The following CNST variants were observed in gnomAD, a reference collection of about 807,000 sequenced individuals.
CNST encodes consortin.
A neutral mutation model predicts 72.4 loss-of-function variants in CNST; 39 were observed. That is an observed-to-expected ratio of 0.54 (90% confidence interval 0.42 to 0.70). The LOEUF (loss-of-function observed/expected upper bound fraction) is 0.70, where lower values mean the gene tolerates loss of function less well. CNST is among the 30% of genes least tolerant of loss of function. CNST has a pLI of 0.00. For missense variants in CNST, 871 were observed against 868.5 expected, an observed-to-expected ratio of 1.00 and a Z score of -0.04; for synonymous variants, 332 against 320.1, an observed-to-expected ratio of 1.04 and a Z score of -0.40.
rs111259165 is a variant in CNST at position 246,652,732 on chromosome 1, C to T, written c.1836+4695C>T. Among the ~76,000 whole-genome samples, 294 of 151,356 alleles carry T rather than the reference C, an allele frequency of 1.9e-3. 1 individual carries two copies. The highest frequency in any genetic ancestry group is 6.8e-3 in the East Asian group (35 of 5,118). On this transcript the variant is annotated intron_variant, in intron 9 of 10. Transcript: ENST00000366513. Reference sequence around the variant, plus strand: ...AGAAAGCTTTTAATCTGGCCGGGCACAGTGGCTCACGCCTGTAATCCCAGC... The same window carrying T: ...AGAAAGCTTTTAATCTGGCCGGGCATAGTGGCTCACGCCTGTAATCCCAGC...
chr1:246,594,008 C>T (rs937232586), intron 2 of CNST, among the ~76,000 whole-genome samples: 2 of 151,986 alleles, frequency 1.3e-5, no homozygotes, highest in Non-Finnish European at 2.9e-5. Flanking sequence ...TGGCCTCAAG[C>T]GATCCTCCTG....
intron 2 of CNST, among the ~76,000 whole-genome samples, chr1:246,605,449 A>G (rs1364222236): frequency 6.6e-6 from 1 of 152,140 alleles, no homozygotes; most frequent in African/African-American, 2.4e-5. Flanking sequence ...GGAGCGCGCC[A>G]ACAGACAGCA....
At chr1:246,580,740 T>C (rs555061163) in intron 1 of CNST, among the ~76,000 whole-genome samples, 2 of 152,224 alleles carry the variant, frequency 1.3e-5, no homozygotes, top group East Asian at 3.9e-4. Context: ...TCTGAAGGTT[T>C]CTTTTTTTTT....
chr1:246,651,821 C>T (rs1223277003), intron 9 of CNST, among the ~76,000 whole-genome samples: 3 of 152,038 alleles, frequency 2.0e-5, no homozygotes, highest in African/African-American at 7.2e-5. Flanking sequence ...AAATTTTATC[C>T]TCCTTTCATA....
chr1:246,654,520 A>G (rs1350450384), intron 9 of CNST, among the ~76,000 whole-genome samples: 2 of 152,200 alleles, frequency 1.3e-5, no homozygotes, highest in African/African-American at 4.8e-5. Flanking sequence ...CTCTTCCCAA[A>G]GTCCTGTCTA....
chr1:246,586,864 T>A (rs750042604), intron 1 of CNST, among the ~76,000 whole-genome samples: 7 of 152,334 alleles, frequency 4.6e-5, no homozygotes, highest in Non-Finnish European at 7.4e-5. Flanking sequence ...ATTTGGTATT[T>A]ACAACATATA....
At chr1:246,618,702 C>T (rs573790435) in intron 2 of CNST, among the ~76,000 whole-genome samples, 3 of 152,252 alleles carry the variant, frequency 2.0e-5, no homozygotes, top group South Asian at 4.1e-4. Flanking sequence ...TTGAGTTTCT[C>T]TGGTTACATC....
At chr1:246,606,854 TA>T (rs1662877563) in intron 2 of CNST, 1 of 152,072 alleles carries the variant, frequency 6.6e-6, no homozygotes, top group African/African-American at 2.4e-5. Flanking sequence ...AGTGCTAAGG[TA>T]GCCGTGAGCA....
chr1:246,655,778 C>G (rs1008321699), intron 9 of CNST, among the ~76,000 whole-genome samples: 12 of 152,192 alleles, frequency 7.9e-5, no homozygotes. Flanking sequence ...GCACTGCAAG[C>G]TTAAGCAAGT....
chr1:246,652,788 A>G (rs1354556047), intron 9 of CNST, among the ~76,000 whole-genome samples: 3 of 151,240 alleles, frequency 2.0e-5, no homozygotes, highest in Non-Finnish European at 2.9e-5. Context: ...GCGGATCACG[A>G]GGTCAGGAGA....
chr1:246,662,023 C>T (rs1667127225), intron 10 of CNST, among the ~76,000 whole-genome samples: 2 of 152,304 alleles, frequency 1.3e-5, no homozygotes, highest in South Asian at 4.1e-4. Context: ...ACTTTGTAGC[C>T]ACCTCATCTT....
At chr1:246,617,193 G>C (rs771905415) in intron 2 of CNST, among the ~76,000 whole-genome samples, 11 of 152,138 alleles carry the variant, frequency 7.2e-5, no homozygotes, top group Non-Finnish European at 1.0e-4. Context: ...GTTACTAAGT[G>C]AAAGAAGGCA....
chr1:246,625,414 C>CTTTTTTTTTTTTT (rs61588900), intron 3 of CNST, among the ~76,000 whole-genome samples: 6 of 56,100 alleles, frequency 1.1e-4, no homozygotes, highest in Admixed American at 2.9e-4. Flanking sequence ...TTATTTCTTT[C>CTTTTTTTTTTTTT]TTTTTTTTTT....
chr1:246,581,244 C>T (rs560776877), intron 1 of CNST, among the ~76,000 whole-genome samples: 2 of 152,198 alleles, frequency 1.3e-5, no homozygotes, highest in African/African-American at 4.8e-5. Context: ...TCAGTGTCTC[C>T]ATGCTGTATT....
chr1:246,638,443 ATGAGAGAGCCGT>A (rs1459070517), intron 6 of CNST, among the ~76,000 whole-genome samples: 8 of 152,202 alleles, frequency 5.3e-5, no homozygotes, highest in Admixed American at 5.2e-4. Context: ...GAGCTTGCTG[ATGAGAGAGCCGT>A]TTATGACAGG....
At chr1:246,567,090 G>A (rs75812177) in intron 1 of CNST, among the ~76,000 whole-genome samples, 1,845 of 149,138 alleles carry the variant, frequency 0.012, 34 homozygotes, top group African/African-American at 0.043. Context: ...AGAACCGCGT[G>A]GTGTCTCCCT....
intron 1 of CNST, among the ~76,000 whole-genome samples, chr1:246,579,988 A>AT (rs1660682926): frequency 6.6e-6 from 1 of 152,162 alleles, no homozygotes; most frequent in South Asian, 2.1e-4. Flanking sequence ...AGAAAACTGT[A>AT]TTTGCACTGA....
At chr1:246,614,125 G>A (rs1663524403) in intron 2 of CNST, among the ~76,000 whole-genome samples, 1 of 151,164 alleles carries the variant, frequency 6.6e-6, no homozygotes, top group East Asian at 1.9e-4. Context: ...CATATTTCAG[G>A]TTTTTTTTTG....
At position 246,602,242 on chromosome 1, in the gene CNST, A is replaced by G. The variant is rs545242021; in HGVS notation, c.379+10301A>G. Among the ~76,000 whole-genome samples, 24 of 152,390 alleles carry G rather than the reference A, an allele frequency of 1.6e-4. No individual in the cohort carries two copies. In the East Asian group the frequency reaches 2.7e-3, roughly 17 times the overall value. On this transcript the variant is annotated intron_variant, in intron 2 of 10. Transcript: ENST00000366513. The stretch of plus-strand genomic sequence containing the variant: ...ATTGTGCATGGTCTGTGCATTAGCT[A>G]TCTCTTGCAGCGTAACAAAACTTAG...
Sources: gnomAD v4.1 joint callset for allele counts (sites outside exome capture counted in the v4.1 genomes callset) on GRCh38, gnomAD v4.1.1 for gene constraint, MANE v1.5 for transcripts, NCBI Gene and HGNC (gene_info 2026-07-23, HGNC 2026-07-21) for gene names.